The following COL23A1 variants were observed in gnomAD, a reference collection of about 807,000 sequenced individuals.
COL23A1 encodes the protein collagen type XXIII alpha 1 chain, also known as collagen alpha-1(XXIII) chain.
In COL23A1, 97 loss-of-function variants were observed where a neutral mutation model predicts 99.3. The observed-to-expected ratio is 0.98, with a 90% CI of 0.83 to 1.16. The LOEUF (loss-of-function observed/expected upper bound fraction) is 1.16. Among genes scored for constraint, COL23A1 ranks in the 50% most tolerant of loss-of-function variants. The probability of loss-of-function intolerance (pLI) is 0.00; values close to 1 mark genes in which losing one functional copy is unlikely to be tolerated. For synonymous variants in COL23A1, 320 were observed against 308.2 expected, an observed-to-expected ratio of 1.04 and a Z score of -0.40; for missense variants, 762 against 757.4, an observed-to-expected ratio of 1.01 and a Z score of -0.07.
chr5:178,523,189 T>TATATATATACAC (rs1562051706), intron 2 of COL23A1, among the ~76,000 whole-genome samples: 36 of 76,956 alleles, frequency 4.7e-4, no homozygotes, highest in African/African-American at 1.5e-3. Flanking sequence ...CACATATATA[T>TATATATATACAC]ATATATATAT....
chr5:178,345,254 C>T (rs1760895988), intron 2 of COL23A1: 1 of 764,988 alleles, frequency 1.3e-6, no homozygotes, highest in Admixed American at 2.0e-5. Flanking sequence ...TCAAGACAGA[C>T]CTAAATTTGA....
intron 3 of COL23A1, among the ~76,000 whole-genome samples, chr5:178,304,505 C>CA (rs35806686): frequency 0.089 from 2,855 of 31,932 alleles, 338 homozygotes; most frequent in Non-Finnish European, 0.12. Context: ...GCGACTGTCT[C>CA]AAAAAAAAAA....
Position 178,358,489 on chromosome 5 carries a change from GTGTGTATGCGTGTATA to G in COL23A1, c.362-51586_362-51571del, listed in dbSNP as rs1250887505. ...TGTATGTGCGTATGCGTATATATGT[GTGTGTATGCGTGTATA>G]TGTGTGTATGTGTGTATGTATGTCT... On this transcript the variant is annotated intron_variant, in intron 2 of 28. Transcript: ENST00000390654. 4.2e-5 allele frequency among the ~76,000 whole-genome samples: 6 copies of G among 141,264 alleles called. 1 individual carries two copies. The highest frequency in any genetic ancestry group is 1.6e-4 in the African/African-American group (6 of 37,630). The allele number at this position is 141,264 out of a possible 152,430, so 92.7% of individuals were successfully genotyped here. A position where few individuals can be genotyped will look rare whatever the true frequency, so the allele number is the denominator to read the frequency against.
At chr5:178,285,478 T>C (rs1014847188) in intron 5 of COL23A1, among the ~76,000 whole-genome samples, 26 of 152,238 alleles carry the variant, frequency 1.7e-4, no homozygotes, top group African/African-American at 5.8e-4. Flanking sequence ...TTCCAAATAT[T>C]GCAAATTTAT....
chr5:178,371,984 G>T (rs1762824185), intron 2 of COL23A1, among the ~76,000 whole-genome samples: 1 of 152,216 alleles, frequency 6.6e-6, no homozygotes, highest in Admixed American at 6.5e-5. Flanking sequence ...GGAAATCCAG[G>T]ATCCTTTCTA....
chr5:178,559,336 TGA>T (rs1762437492), intron 2 of COL23A1, among the ~76,000 whole-genome samples: 1 of 152,208 alleles, frequency 6.6e-6, no homozygotes, highest in African/African-American at 2.4e-5. Flanking sequence ...ATGGAAGGAA[TGA>T]GAGAGAAGAC....
At chr5:178,249,292 G>T in intron 18 of COL23A1, 86 bp from the exon 19 acceptor site, 1 of 1,294,368 alleles carries the variant, frequency 7.7e-7, no homozygotes, top group Non-Finnish European at 1.1e-6. Context: ...CTTAGTTCAT[G>T]CTAGGGCCCC....
chr5:178,523,210 A>AG (rs1344200380), intron 2 of COL23A1, among the ~76,000 whole-genome samples: 4 of 115,010 alleles, frequency 3.5e-5, no homozygotes, highest in African/African-American at 9.6e-5. Flanking sequence ...ATAGAGAGAG[A>AG]GAGAGAGAGA....
intron 1 of COL23A1, among the ~76,000 whole-genome samples, chr5:178,561,194 C>T (rs529124502): frequency 6.6e-6 from 1 of 152,328 alleles, no homozygotes; most frequent in African/African-American, 2.4e-5. Context: ...CCCAAAACCC[C>T]ATGGCTGCAG....
At chr5:178,410,518 G>A (rs1240843671) in intron 2 of COL23A1, among the ~76,000 whole-genome samples, 3 of 152,198 alleles carry the variant, frequency 2.0e-5, no homozygotes, top group Admixed American at 6.5e-5. Flanking sequence ...TTGGCATAAG[G>A]ATAGATATAG....
chr5:178,328,674 G>A lies in COL23A1; in HGVS notation c.362-21755C>T, dbSNP rs78869453. Among the ~76,000 whole-genome samples, 811 of 152,310 alleles carry A rather than the reference G, an allele frequency of 5.3e-3. 8 individuals carry two copies. The highest frequency in any genetic ancestry group is 0.019 in the African/African-American group (778 of 41,544). On this transcript the variant is annotated intron_variant, in intron 2 of 28. Coordinates refer to ENST00000390654, the MANE Select transcript of COL23A1 (RefSeq NM_173465.4). ...GCCTCTACTGAAGTCTTTCGTTTAA[G>A]GGGGTGCATGCTCAACTAATTACTC...
intron 2 of COL23A1, among the ~76,000 whole-genome samples, chr5:178,357,710 ATGTGTGTATGTG>A (rs1445012107): frequency 9.4e-6 from 1 of 106,168 alleles, no homozygotes; most frequent in Non-Finnish European, 2.2e-5. Context: ...CAGATTTAAA[ATGTGTGTATGTG>A]TGTGTGTGTG....
Position 178,281,768 on chromosome 5 carries a change from G to A in COL23A1, c.441+6556C>T, listed in dbSNP as rs764775488. 2.0e-5 allele frequency among the ~76,000 whole-genome samples: 3 copies of A among 151,910 alleles called. No individual in the cohort carries two copies. Among genetic ancestry groups the A allele is most frequent in the Non-Finnish European group, 4.4e-5 (3 of 68,012 alleles). ...TATTTTTTAAAACAGACGGGGATTC[G>A]GCCAGGATTGGCAGCTCATGCCTGT... On this transcript the variant is annotated intron_variant, in intron 5 of 28. Coordinates refer to ENST00000390654, the MANE Select transcript of COL23A1 (RefSeq NM_173465.4). This position sits in a 1 kb window ranked among gnomAD's most constrained non-coding sequence, Gnocchi z 4.0.
At chr5:178,348,440 C>G (rs748081) in intron 2 of COL23A1, among the ~76,000 whole-genome samples, 38,585 of 152,034 alleles carry the variant, frequency 0.25, 5,908 homozygotes, top group East Asian at 0.59. Flanking sequence ...CCACCCCCAC[C>G]GCAGCCCTGT....
intron 2 of COL23A1, among the ~76,000 whole-genome samples, chr5:178,543,119 T>G (rs1761384960): frequency 6.6e-6 from 1 of 152,018 alleles, no homozygotes; most frequent in Admixed American, 6.5e-5. Context: ...TGTTTTTTTT[T>G]TTTTTGAGCC....
chr5:178,291,609 T>A (rs561068392), intron 3 of COL23A1, among the ~76,000 whole-genome samples: 79 of 152,068 alleles, frequency 5.2e-4, no homozygotes, highest in African/African-American at 1.8e-3. Context: ...TTTGTTTCCA[T>A]GTAATGGTCT....
chr5:178,454,298 T>G (rs1767649715), intron 2 of COL23A1, among the ~76,000 whole-genome samples: 1 of 152,144 alleles, frequency 6.6e-6, no homozygotes, highest in Non-Finnish European at 1.5e-5. Flanking sequence ...GTTTTGAAAT[T>G]TAAAAGCCTA....
intron 2 of COL23A1, among the ~76,000 whole-genome samples, chr5:178,371,111 G>A (rs996716555): frequency 2.6e-5 from 4 of 152,228 alleles, no homozygotes; most frequent in Non-Finnish European, 1.5e-5. Flanking sequence ...ATGTAGACAT[G>A]TATCAGAAAC....
intron 2 of COL23A1, among the ~76,000 whole-genome samples, chr5:178,419,227 T>G (rs1182212599): frequency 6.6e-6 from 1 of 152,216 alleles, no homozygotes; most frequent in East Asian, 1.9e-4. Context: ...ATGTCTTCTC[T>G]GACTGGGTTT....
Sources: gnomAD v4.1 joint callset for allele counts (sites outside exome capture counted in the v4.1 genomes callset) on GRCh38, gnomAD v4.1.1 for gene constraint, Gnocchi (gnomAD v3.1) non-coding constraint, MANE v1.5 for transcripts, NCBI Gene and HGNC (gene_info 2026-07-23, HGNC 2026-07-21) for gene names.